Variants in CDH8 observed in about 807,000 individuals in gnomAD.
CDH8 encodes the protein cadherin-8.
Under a neutral mutation model 68.1 loss-of-function variants are expected in CDH8, and 17 were observed. The observed-to-expected ratio is 0.25, with a 90% confidence interval of 0.17 to 0.37. The LOEUF (loss-of-function observed/expected upper bound fraction) is 0.37, where lower values mean the gene tolerates loss of function less well. Among genes scored for constraint, CDH8 ranks in the 10% least tolerant of loss-of-function variants. CDH8 has a pLI of 1.00. For synonymous variants in CDH8, 372 were observed against 365.1 expected (o/e 1.02, Z -0.21); for missense variants, 763 against 999.3 (o/e 0.76, Z 3.19).
rs566709011 is a variant in CDH8, at chr16:61,723,911, C to G, written c.1536+3183G>C. Among the ~76,000 whole-genome samples the G allele has an allele frequency of 8.1e-4, 122 of 150,700 alleles. 1 individual carries two copies. The highest frequency in any genetic ancestry group is 2.8e-3 in the African/African-American group (114 of 41,334). The stretch of plus-strand genomic sequence containing the variant: ...TCATGTCTGAATTAGACTATATCAC[C>G]ACTGAATTAGAGTCTAAAGATGTAT... On this transcript the variant is annotated intron_variant, in intron 9 of 11. Coordinates refer to ENST00000577390, the MANE Select transcript of CDH8 (RefSeq NM_001796.5).
At chr16:61,661,093 A>G (rs74889917) in intron 10 of CDH8, among the ~76,000 whole-genome samples, 8,718 of 152,128 alleles carry the variant, frequency 0.057, 732 homozygotes, top group African/African-American at 0.18. Flanking sequence ...GTATAAAACA[A>G]TTATGTTTTT....
chr16:61,749,344 T>C (rs1349195632), intron 8 of CDH8, among the ~76,000 whole-genome samples: 1 of 152,130 alleles, frequency 6.6e-6, no homozygotes, highest in Non-Finnish European at 1.5e-5. Context: ...ATAGGCTTAA[T>C]ACTTCCTATA....
chr16:61,747,107 A>G (rs1293365015), intron 8 of CDH8, among the ~76,000 whole-genome samples: 1 of 152,148 alleles, frequency 6.6e-6, no homozygotes, highest in Non-Finnish European at 1.5e-5. Context: ...AGTTACATTT[A>G]TACATTACTA....
chr16:61,847,046 T>C (rs1597014643), intron 4 of CDH8, among the ~76,000 whole-genome samples: 1 of 152,256 alleles, frequency 6.6e-6, no homozygotes, highest in East Asian at 1.9e-4. Flanking sequence ...TTCTAAGTTT[T>C]TAGAAAGCAT....
intron 3 of CDH8, among the ~76,000 whole-genome samples, chr16:61,875,119 T>G (rs946987063): frequency 6.6e-6 from 1 of 152,202 alleles, no homozygotes; most frequent in African/African-American, 2.4e-5. Context: ...AACTGTGAGG[T>G]CTTGCATTTT....
intron 8 of CDH8, among the ~76,000 whole-genome samples, chr16:61,756,388 G>GA (rs1282862963): frequency 1.3e-5 from 2 of 152,068 alleles, no homozygotes; most frequent in Admixed American, 6.6e-5. Flanking sequence ...TTCCCCAGAT[G>GA]AAAATATTAT....
At chr16:61,940,752 A>G (rs1164815834) in intron 2 of CDH8, 1 of 152,226 alleles carries the variant, frequency 6.6e-6, no homozygotes, top group African/African-American at 2.4e-5. Flanking sequence ...TGGAATCCCT[A>G]AAGTCTACCT....
At chr16:61,869,766 G>T (rs560317168) in intron 3 of CDH8, among the ~76,000 whole-genome samples, 3 of 152,082 alleles carry the variant, frequency 2.0e-5, no homozygotes, top group African/African-American at 4.8e-5. Flanking sequence ...TTTGAAAGAC[G>T]CACAAGAATA....
chr16:61,936,447 G>A (rs1394390155), intron 2 of CDH8, among the ~76,000 whole-genome samples: 1 of 152,102 alleles, frequency 6.6e-6, no homozygotes, highest in Non-Finnish European at 1.5e-5. Context: ...GATAAGGATT[G>A]CCAAAAATCA....
At chr16:61,759,258 C>T (rs1960400477) in intron 8 of CDH8, among the ~76,000 whole-genome samples, 1 of 152,076 alleles carries the variant, frequency 6.6e-6, no homozygotes, top group Non-Finnish European at 1.5e-5. Flanking sequence ...TGCTGCCAGA[C>T]TCCCAAACAT....
intron 2 of CDH8, among the ~76,000 whole-genome samples, chr16:61,910,860 T>C (rs1315393249): frequency 6.6e-6 from 1 of 152,226 alleles, no homozygotes; most frequent in Non-Finnish European, 1.5e-5. Flanking sequence ...AATAAGAATG[T>C]AACTTCTTGA....
At chr16:61,726,981 C>T in intron 9 of CDH8, 113 bp downstream of exon 9, 8 of 1,132,098 alleles carry the variant, frequency 7.1e-6, no homozygotes, top group Non-Finnish European at 9.0e-6. Flanking sequence ...GTGTTTCTTG[C>T]CTGAGACTTT....
At chr16:61,752,797 G>A (rs1960203070) in intron 8 of CDH8, among the ~76,000 whole-genome samples, 2 of 152,214 alleles carry the variant, frequency 1.3e-5, no homozygotes, top group South Asian at 4.1e-4. Context: ...TTACAGAAAA[G>A]TGTAACATGT....
At chr16:61,915,767 T>C (rs1964229625) in intron 2 of CDH8, among the ~76,000 whole-genome samples, 1 of 152,192 alleles carries the variant, frequency 6.6e-6, no homozygotes, top group African/African-American at 2.4e-5. Flanking sequence ...GACGTCACCA[T>C]ACTCCCCTGT....
At chr16:61,691,149 T>G (rs1964215231) in intron 10 of CDH8, among the ~76,000 whole-genome samples, 2 of 152,088 alleles carry the variant, frequency 1.3e-5, no homozygotes, top group Admixed American at 1.3e-4. Context: ...CAGGTTAACT[T>G]CCTTCAGAAA....
chr16:61,934,427 A>C (rs1282315687), intron 2 of CDH8, among the ~76,000 whole-genome samples: 1 of 152,156 alleles, frequency 6.6e-6, no homozygotes, highest in Non-Finnish European at 1.5e-5. Flanking sequence ...GCTTATGTAA[A>C]GATTGTGGAG....
intron 2 of CDH8, among the ~76,000 whole-genome samples, chr16:61,952,203 G>T (rs1964909126): frequency 6.6e-6 from 1 of 152,164 alleles, no homozygotes; most frequent in Non-Finnish European, 1.5e-5. Context: ...CCATGGGTTT[G>T]TGAAATAGGA....
At chr16:61,738,493 C>G (rs978740596) in intron 8 of CDH8, among the ~76,000 whole-genome samples, 1 of 152,054 alleles carries the variant, frequency 6.6e-6, no homozygotes, top group Non-Finnish European at 1.5e-5. Flanking sequence ...AATTTTAATC[C>G]GATGGGGAAA....
At chr16:61,850,990 C>T (rs1408420052) in intron 4 of CDH8, among the ~76,000 whole-genome samples, 2 of 151,988 alleles carry the variant, frequency 1.3e-5, no homozygotes, top group Non-Finnish European at 2.9e-5. Context: ...AAATGTATAT[C>T]CCAGCATTGT....
Sources: allele counts gnomAD v4.1 joint callset (sites outside exome capture counted in the v4.1 genomes callset), GRCh38; gene constraint gnomAD v4.1.1; transcripts MANE v1.5; gene names NCBI Gene and HGNC (gene_info 2026-07-23, HGNC 2026-07-21).